The following KNTC1 variants were observed in gnomAD, a reference collection of about 807,000 sequenced individuals.
KNTC1 encodes kinetochore associated 1.
KNTC1 carries 253 observed loss-of-function variants against 314.4 expected under a neutral mutation model. The ratio of observed to expected loss-of-function variants is 0.80; its 90% CI spans 0.73 to 0.89. The LOEUF (loss-of-function observed/expected upper bound fraction) is 0.89, where lower values mean the gene tolerates loss of function less well. Among genes scored for constraint, KNTC1 ranks in the 40% least tolerant of loss-of-function variants. KNTC1 has a pLI of 0.00. For synonymous variants in KNTC1, 901 were observed against 901.4 expected (o/e 1.00, Z 0.01); for missense variants, 2,475 against 2,572.9 (o/e 0.96, Z 0.82).
In KNTC1 at chr12:122,551,607, T is replaced by C; in HGVS notation, c.1197-14T>C. ...TAATAAGCATTTAACAAAATTTCTC[T>C]TCCAACTTAACAGATTGAGTCGGTT... On this transcript the variant is annotated splice_polypyrimidine_tract_variant and intron_variant, in intron 15 of 63. Coordinates refer to ENST00000333479, the MANE Select transcript of KNTC1 (RefSeq NM_014708.6). The C allele has an allele frequency of 1.2e-6, 2 of 1,612,778 alleles. No individual in the cohort carries two copies. The highest frequency in any genetic ancestry group is 1.7e-6 in the Non-Finnish European group (2 of 1,178,952).
chr12:122,575,891 G>A lies in KNTC1; in HGVS notation c.2578G>A (p.Glu860Lys). 1 of 1,610,900 alleles carries A rather than the reference G, an allele frequency of 6.2e-7. No homozygotes were observed. The highest frequency in any genetic ancestry group is 8.5e-7 in the Non-Finnish European group (1 of 1,179,074). The change falls in exon 29 of 64, where the codon GAA becomes AAA. Residue 860 changes from glutamate to lysine, a missense_variant. Coordinates refer to ENST00000333479, the MANE Select transcript of KNTC1 (RefSeq NM_014708.6). ...AAGAGAGGTAAATCTCTTAAACAAG[G>A]AAATAATGGTAAGTACACTCTTCGA... is the stretch of plus-strand genomic sequence containing the variant. The part of the protein sequence containing the change: ...GIREVNLLNK[E>K]IMRVVRYILK...
intron 37 of KNTC1, 61 bp downstream of exon 37, chr12:122,585,835 A>G: frequency 6.5e-7 from 1 of 1,529,908 alleles, no homozygotes; most frequent in Non-Finnish European, 9.0e-7. Flanking sequence ...TTTAAACTGT[A>G]GAGGTTTGGA....
chr12:122,585,904 A>G (rs1869219278), intron 37 of KNTC1, 130 bp downstream of exon 37: 2 of 781,710 alleles, frequency 2.6e-6, no homozygotes, highest in Admixed American at 2.5e-5. Flanking sequence ...GAGCTAAAGA[A>G]GCAGATACAA....
intron 2 of KNTC1, among the ~76,000 whole-genome samples, chr12:122,532,186 A>G (rs1400132278): frequency 6.9e-6 from 1 of 143,916 alleles, no homozygotes; most frequent in Admixed American, 7.1e-5. Context: ...GGCGCCTGCC[A>G]CCACGCCTGG....
intron 21 of KNTC1, 65 bp downstream of exon 21, chr12:122,568,437 G>C: frequency 2.3e-6 from 2 of 886,542 alleles, no homozygotes; most frequent in East Asian, 4.8e-5. Flanking sequence ...TTGAATCAAT[G>C]TTGGAGACTA....
intron 5 of KNTC1, among the ~76,000 whole-genome samples, chr12:122,541,349 C>CTT (rs1195872244): frequency 9.1e-5 from 12 of 131,490 alleles, no homozygotes; most frequent in Non-Finnish European, 1.3e-4. Context: ...CTCTCCCTCT[C>CTT]TTTTTTTTTT....
At chr12:122,590,546 AC>A in intron 40 of KNTC1, 60 bp from the exon 41 acceptor site, 1 of 1,479,350 alleles carries the variant, frequency 6.8e-7, no homozygotes, top group African/African-American at 1.4e-5. Context: ...CCCTTTGTGA[AC>A]AAAGTTAATT....
intron 60 of KNTC1, 91 bp downstream of exon 60, chr12:122,620,699 A>G: frequency 7.5e-7 from 1 of 1,337,674 alleles, no homozygotes; most frequent in Non-Finnish European, 1.0e-6. Context: ...TCATTTCAGC[A>G]AACCTGTAAA....
In KNTC1 at chr12:122,618,464, T is replaced by A; in HGVS notation, c.6086-18T>A. 6.2e-7 allele frequency: 1 copy of A among 1,612,036 alleles called. No individual in the cohort carries two copies. Among genetic ancestry groups the A allele is most frequent in the South Asian group, 1.1e-5 (1 of 90,832 alleles). ...TGAGTGTGTGTATATCATGGTTGTT[T>A]TTTTGTTTTGTTTTCAGCCTCTTGT... is the stretch of plus-strand genomic sequence containing the variant. On this transcript the variant is annotated intron_variant, in intron 58 of 63. Coordinates refer to ENST00000333479, the MANE Select transcript of KNTC1 (RefSeq NM_014708.6).
chr12:122,569,903 T>A, intron 22 of KNTC1, 79 bp downstream of exon 22: 1 of 1,104,572 alleles, frequency 9.1e-7, no homozygotes, highest in Non-Finnish European at 1.3e-6. Context: ...TAAGTCACGT[T>A]AACACCAGTT....
chr12:122,594,787 G>A (rs1870798528), intron 43 of KNTC1, among the ~76,000 whole-genome samples: 1 of 152,210 alleles, frequency 6.6e-6, no homozygotes, highest in Non-Finnish European at 1.5e-5. Context: ...GTTAACTAGG[G>A]AGCAAAGTAA....
At chr12:122,575,087 C>G (rs914453234) in intron 27 of KNTC1, among the ~76,000 whole-genome samples, 1 of 152,072 alleles carries the variant, frequency 6.6e-6, no homozygotes, top group African/African-American at 2.4e-5. Flanking sequence ...ATGGTGGAAC[C>G]GCATCTCTAC....
chr12:122,604,335 C>CAGGG (rs1872339311), intron 48 of KNTC1, among the ~76,000 whole-genome samples: 1 of 151,904 alleles, frequency 6.6e-6, no homozygotes, highest in African/African-American at 2.4e-5. Context: ...TCAGTAGAGA[C>CAGGG]AGGGTTCTTC....
At chr12:122,586,390 A>G (rs558266190) in intron 37 of KNTC1, among the ~76,000 whole-genome samples, 53 of 151,920 alleles carry the variant, frequency 3.5e-4, no homozygotes, top group Non-Finnish European at 5.7e-4. Flanking sequence ...CCGATGTTCT[A>G]TTTCTTGATC....
At chr12:122,609,316 G>A in intron 51 of KNTC1, 68 bp from the exon 52 acceptor site, 1 of 891,416 alleles carries the variant, frequency 1.1e-6, no homozygotes, top group Non-Finnish European at 1.8e-6. Flanking sequence ...TAGATTTTCA[G>A]AGAGATGAAT....
At position 122,562,652 on chromosome 12, in the gene KNTC1, T is replaced by G; in HGVS notation, c.1557T>G (p.His519Gln). The G allele has an allele frequency of 6.2e-7, 1 of 1,604,768 alleles. No homozygotes were observed. Among genetic ancestry groups the G allele is most frequent in the Non-Finnish European group, 8.5e-7 (1 of 1,172,064 alleles). ...SDGLKEVLRA[H>Q]AKLTTFYGAF... The stretch of plus-strand genomic sequence containing the variant: ...TTTTTCTTCAGGTGCTAAGAGCTCA[T>G]GCAAAATTGACTACTTTTTATGGAG... The change falls in exon 20 of 64, where the codon CAT (histidine) becomes CAG (glutamine). Residue 519 changes from histidine to glutamine, a missense_variant. Transcript: ENST00000333479.
chr12:122,613,490 A>G (rs1234380900), intron 54 of KNTC1, 136 bp from the exon 55 acceptor site: 1 of 712,818 alleles, frequency 1.4e-6, no homozygotes, highest in Non-Finnish European at 2.2e-6. Flanking sequence ...ATGTTATTAT[A>G]TATTCAGTGA....
chr12:122,603,027 T>A lies in KNTC1; in HGVS notation c.4885T>A (p.Phe1629Ile), dbSNP rs1271079700. Residue 1629 changes from phenylalanine (F) to isoleucine (I), a missense_variant and splice_region_variant, in exon 48 of 64, where the codon TTC becomes ATC. Transcript: ENST00000333479. ...GCCATAACCTTCCTTTTCTTTGAAG[T>A]TCTCTCTGGACACTCTGTACGTGTC... is the stretch of plus-strand genomic sequence containing the variant. ...TLLLISKLMK[F>I]SLDTLYVSTA... 5 of 1,612,644 alleles carry A rather than the reference T, an allele frequency of 3.1e-6. No homozygotes were observed. In the African/African-American group the frequency reaches 6.7e-5, roughly 22 times the overall value.
Position 122,575,537 on chromosome 12 carries a change from T to C in KNTC1, c.2383-6T>C. The stretch of plus-strand genomic sequence containing the variant: ...TGTTCCTTGTCCATGCGTGCATCTT[T>C]TGTAGCTCATATTTGATGCCGTGCT... On this transcript the variant is annotated splice_polypyrimidine_tract_variant and splice_region_variant and intron_variant, in intron 27 of 63. Transcript: ENST00000333479. The C allele has an allele frequency of 6.3e-7, 1 of 1,575,256 alleles. No individual in the cohort carries two copies.
Sources: allele counts gnomAD v4.1 joint callset (sites outside exome capture counted in the v4.1 genomes callset), GRCh38; gene constraint gnomAD v4.1.1; transcripts MANE v1.5; gene names NCBI Gene and HGNC (gene_info 2026-07-23, HGNC 2026-07-21).